The following PCDHA9 variants were observed in gnomAD, a reference collection of about 807,000 sequenced individuals.
PCDHA9 encodes the protein protocadherin alpha-9.
In PCDHA9, 62 loss-of-function variants were observed where a neutral mutation model predicts 62.0. The ratio of observed to expected loss-of-function variants is 1.00; its 90% CI spans 0.81 to 1.23. The LOEUF (loss-of-function observed/expected upper bound fraction) is 1.23, where lower values mean the gene tolerates loss of function less well. Ranked by LOEUF, PCDHA9 falls within the 50% of genes most tolerant of loss-of-function variation. The probability of loss-of-function intolerance (pLI) is 0.00; values close to 1 mark genes in which losing one functional copy is unlikely to be tolerated. For synonymous variants in PCDHA9, 557 were observed against 567.6 expected (o/e 0.98, Z 0.27); for missense variants, 1,205 against 1,249.8 (o/e 0.96, Z 0.54).
At position 141,010,020 on chromosome 5, in the gene PCDHA9, TTCCTA is replaced by T. The variant is rs1554262638; in HGVS notation, c.*86_*90del. 6.4e-7 allele frequency: 1 copy of T among 1,572,330 alleles called. No individual in the cohort carries two copies. Among genetic ancestry groups the T allele is most frequent in the Non-Finnish European group, 8.6e-7 (1 of 1,163,268 alleles). On this transcript the variant is annotated 3_prime_UTR_variant, in exon 4 of 4. Coordinates refer to ENST00000532602, the MANE Select transcript of PCDHA9 (RefSeq NM_031857.2). ...CCATGTAGCAATTCCCTGCTCCTTT[TTCCTA>T]TCTACATGAGCCCTCTTAGAGACCT...
Position 141,010,331 on chromosome 5 carries a change from T to C in PCDHA9, c.*394T>C. 6.5e-7 allele frequency: 1 copy of C among 1,537,904 alleles called. No homozygotes were observed. Among genetic ancestry groups the C allele is most frequent in the Non-Finnish European group, 8.8e-7 (1 of 1,142,160 alleles). On this transcript the variant is annotated 3_prime_UTR_variant, in exon 4 of 4. Transcript: ENST00000532602. The stretch of plus-strand genomic sequence containing the variant: ...TTTTGAGATTGAGCAGCTTGGGAGT[T>C]TGTGGCCACTGGGTATGTGTGGCTA...
chr5:140,887,482 CT>C lies in PCDHA9; in HGVS notation c.2394+36595del, dbSNP rs2061466213. 4.6e-5 allele frequency among the ~76,000 whole-genome samples: 7 copies of C among 152,170 alleles called. 1 individual carries two copies. The highest frequency in any genetic ancestry group is 4.6e-4 in the Admixed American group (7 of 15,274). ...AAGATATAATTCAGTTGTCTTCTGG[CT>C]TGCATAGTTTCTAATAAGATGTTTG... On this transcript the variant is annotated intron_variant, in intron 1 of 3. Coordinates refer to ENST00000532602, the MANE Select transcript of PCDHA9 (RefSeq NM_031857.2).
At chr5:140,903,429 G>T (rs782504374) in intron 1 of PCDHA9, among the ~76,000 whole-genome samples, 2 of 152,180 alleles carry the variant, frequency 1.3e-5, no homozygotes, top group South Asian at 4.1e-4. Context: ...AGCACAATAT[G>T]TATCAGTGGA....
At chr5:140,929,414 A>T (rs1174756115) in intron 1 of PCDHA9, 15 of 1,504,422 alleles carry the variant, frequency 1.0e-5, no homozygotes, top group Non-Finnish European at 1.3e-5. Context: ...GCCTTTCACA[A>T]CATTTCATCA....
intron 1 of PCDHA9, chr5:140,884,134 C>A: frequency 6.2e-6 from 10 of 1,613,442 alleles, no homozygotes; most frequent in Non-Finnish European, 7.6e-6. Context: ...GCATCCCGTT[C>A]CGCGTGGGGC....
At chr5:140,857,799 T>A (rs1554150681) in intron 1 of PCDHA9, 1 of 1,597,340 alleles carries the variant, frequency 6.3e-7, no homozygotes, top group Non-Finnish European at 8.6e-7. Flanking sequence ...CTGCGGTCGG[T>A]GGTTGCGGGT....
intron 1 of PCDHA9, among the ~76,000 whole-genome samples, chr5:140,942,450 C>A (rs1017198131): frequency 6.6e-6 from 1 of 151,378 alleles, no homozygotes; most frequent in African/African-American, 2.4e-5. Flanking sequence ...AGTAAACTAT[C>A]AATTATAATA....
chr5:140,968,629 T>C, intron 1 of PCDHA9: 1 of 1,614,174 alleles, frequency 6.2e-7, no homozygotes, highest in Non-Finnish European at 8.5e-7. Context: ...CTTGGCTTTT[T>C]TACCATCTAG....
At chr5:140,856,441 G>C in intron 1 of PCDHA9, 1 of 1,598,410 alleles carries the variant, frequency 6.3e-7, no homozygotes. Flanking sequence ...ACCCGCCCAG[G>C]TTCTCCGTAA....
chr5:140,972,295 G>A (rs551210883), intron 1 of PCDHA9, among the ~76,000 whole-genome samples: 2 of 151,388 alleles, frequency 1.3e-5, no homozygotes, highest in South Asian at 2.1e-4. Context: ...GTGCGCCACC[G>A]TGTCTGACTA....
At chr5:140,911,592 A>G (rs1255304289) in intron 1 of PCDHA9, among the ~76,000 whole-genome samples, 1 of 152,212 alleles carries the variant, frequency 6.6e-6, no homozygotes, top group Non-Finnish European at 1.5e-5. Flanking sequence ...GGAGGAACCA[A>G]CCAACTTCAT....
intron 1 of PCDHA9, chr5:140,856,894 T>C (rs1389376451): frequency 6.3e-7 from 1 of 1,596,592 alleles, no homozygotes; most frequent in Non-Finnish European, 8.6e-7. Context: ...CATTTAGCTC[T>C]TTGGTCCCAC....
chr5:140,876,144 G>C (rs782301739), intron 1 of PCDHA9: 1 of 1,613,964 alleles, frequency 6.2e-7, no homozygotes, highest in South Asian at 1.1e-5. Context: ...AACTAACAGG[G>C]TCTGTCCAGA....
intron 1 of PCDHA9, chr5:140,884,747 T>A: frequency 7.0e-7 from 1 of 1,433,190 alleles, no homozygotes; most frequent in African/African-American, 1.4e-5. Context: ...TCCTGCCAAT[T>A]TCAAATTATT....
chr5:141,006,931 G>A (rs1268492539), intron 3 of PCDHA9, among the ~76,000 whole-genome samples: 1 of 152,158 alleles, frequency 6.6e-6, no homozygotes, highest in African/African-American at 2.4e-5. Flanking sequence ...ATTTCCAACT[G>A]GGGATACCAG....
intron 1 of PCDHA9, among the ~76,000 whole-genome samples, chr5:140,949,414 C>G (rs887325816): frequency 6.6e-6 from 1 of 151,940 alleles, no homozygotes; most frequent in Non-Finnish European, 1.5e-5. Context: ...CACCTATCAT[C>G]ATTGTGTTTA....
chr5:140,932,351 A>G (rs1401387848), intron 1 of PCDHA9, among the ~76,000 whole-genome samples: 1 of 151,920 alleles, frequency 6.6e-6, no homozygotes, highest in African/African-American at 2.4e-5. Context: ...TTACCATACA[A>G]CTGGCCTTAT....
At chr5:140,883,521 T>G in intron 1 of PCDHA9, 1 of 1,614,202 alleles carries the variant, frequency 6.2e-7, no homozygotes, top group Non-Finnish European at 8.5e-7. Flanking sequence ...CGCGAGAGCG[T>G]ATCAGCCTAT....
At chr5:140,863,914 T>C (rs2048229981) in intron 1 of PCDHA9, 1 of 162,444 alleles carries the variant, frequency 6.2e-6, no homozygotes, top group Non-Finnish European at 1.4e-5. Context: ...GGCACAAGAA[T>C]TGCTTGAACC....
Sources: gnomAD v4.1 joint callset for allele counts (sites outside exome capture counted in the v4.1 genomes callset) on GRCh38, gnomAD v4.1.1 for gene constraint, MANE v1.5 for transcripts, NCBI Gene and HGNC (gene_info 2026-07-23, HGNC 2026-07-21) for gene names.